The following SLC8B1 variants were observed in gnomAD, a reference collection of about 807,000 sequenced individuals.
The protein encoded by SLC8B1 is mitochondrial sodium/calcium exchanger protein.
SLC8B1 carries 52 observed loss-of-function variants against 63.4 expected under a neutral mutation model. The ratio of observed to expected loss-of-function variants is 0.82; its 90% CI spans 0.66 to 1.03. The LOEUF (loss-of-function observed/expected upper bound fraction) is 1.03. Ranked by LOEUF, SLC8B1 falls within the 50% of genes least tolerant of loss-of-function variation. SLC8B1 has a pLI of 0.00. For synonymous variants in SLC8B1, 336 were observed against 323.9 expected, an observed-to-expected ratio of 1.04 and a Z score of -0.40; for missense variants, 657 against 741.7, an observed-to-expected ratio of 0.89 and a Z score of 1.33.
At chr12:113,306,279 A>C (rs972848569) in intron 14 of SLC8B1, among the ~76,000 whole-genome samples, 1 of 152,132 alleles carries the variant, frequency 6.6e-6, no homozygotes, top group African/African-American at 2.4e-5. Context: ...CCAGGGGCCA[A>C]GAATTTCATT....
At chr12:113,323,495 G>A (rs966241955) in intron 2 of SLC8B1, among the ~76,000 whole-genome samples, 4 of 152,146 alleles carry the variant, frequency 2.6e-5, no homozygotes, top group Non-Finnish European at 4.4e-5. Context: ...GATCACTTGA[G>A]GTCAGGAGTT....
intron 2 of SLC8B1, among the ~76,000 whole-genome samples, chr12:113,332,266 C>T (rs987577997): frequency 2.6e-5 from 4 of 152,100 alleles, no homozygotes; most frequent in African/African-American, 9.7e-5. Context: ...AATGTATATG[C>T]TTACTTCTCT....
Position 113,315,475 on chromosome 12 carries a change from A to G in SLC8B1, c.995T>C (p.Leu332Pro). The G allele has an allele frequency of 6.3e-7, 1 of 1,590,732 alleles. No individual in the cohort carries two copies. Among genetic ancestry groups the G allele is most frequent in the Non-Finnish European group, 8.6e-7 (1 of 1,169,086 alleles). The change falls in exon 11 of 16, where the codon CTG (leucine) becomes CCG (proline). Residue 332 changes from leucine to proline, a missense_variant and splice_region_variant. By Grantham distance (98) the Leu-to-Pro change is moderately conservative (BLOSUM62 -3). Transcript: ENST00000680972. ...AYWKALKVFK[L>P]PVEFLLLLTV... ...GAGGAGCAGCAGGAACTCCACAGGC[A>G]GCTGTCAAGGGGGCAAAAGTGGGAG... is the stretch of plus-strand genomic sequence containing the variant.
chr12:113,299,462 C>T lies in SLC8B1; in HGVS notation c.*315G>A, dbSNP rs73192845. On this transcript the variant is annotated 3_prime_UTR_variant, in exon 16 of 16. Transcript: ENST00000680972. ...GGCCTGGAGCACATCCAGCCATCCCCTTCCCCCAAACTCCAGCCCTTCTCA... is the reference window on the plus strand; with the variant it reads ...GGCCTGGAGCACATCCAGCCATCCCTTTCCCCCAAACTCCAGCCCTTCTCA... 3.7e-4 allele frequency: 128 copies of T among 347,946 alleles called. No individual in the cohort carries two copies. Among genetic ancestry groups the T allele is most frequent in the Middle Eastern group, 9.4e-4 (1 of 1,068 alleles). 21.6% of individuals were successfully genotyped at this position (347,946 alleles called of 1,614,324 possible). A position where few individuals can be genotyped will look rare whatever the true frequency, so the allele number is the denominator to read the frequency against.
At chr12:113,332,469 T>C (rs1300643793) in intron 2 of SLC8B1, among the ~76,000 whole-genome samples, 1 of 152,206 alleles carries the variant, frequency 6.6e-6, no homozygotes, top group Non-Finnish European at 1.5e-5. Context: ...TTTGACACGA[T>C]GGCCAGGCTG....
In SLC8B1 at chr12:113,324,324, C is replaced by A. The variant is rs1044145781; in HGVS notation, c.157-2976G>T. On this transcript the variant is annotated intron_variant, in intron 2 of 15. Coordinates refer to ENST00000680972, the MANE Select transcript of SLC8B1 (RefSeq NM_001358345.2). ...CAAGCCTGTCTCAAAAAAAAACAAA[C>A]AAACAAAAAAAAAAACTTTTCTTTT... Among the ~76,000 whole-genome samples, 228 of 129,564 alleles carry A rather than the reference C, an allele frequency of 1.8e-3. 4 individuals are homozygous for A. The highest frequency in any genetic ancestry group is 3.4e-3 in the South Asian group (14 of 4,092). 85.0% of individuals were successfully genotyped at this position (129,564 alleles called of 152,430 possible).
rs1054045487 is a variant in SLC8B1, at chr12:113,307,549, CCA to C, written c.1411+140_1411+141del. 7 of 1,035,390 alleles carry C rather than the reference CCA, an allele frequency of 6.8e-6. No homozygotes were observed. The African/African-American group carries it at 8.2e-5, about 12-fold the overall frequency. The allele number at this position is 1,035,390 out of a possible 1,614,324, so 64.1% of individuals were successfully genotyped here. On this transcript the variant is annotated intron_variant, in intron 13 of 15. Transcript: ENST00000680972. ...CCATCTCACCCCAATGCTGGCCACTCCACAGTGACAGGGGACACTGCACAGGT... is the reference window on the plus strand; with the variant it reads ...CCATCTCACCCCAATGCTGGCCACTCCAGTGACAGGGGACACTGCACAGGT...
Position 113,321,035 on chromosome 12 carries a change from G to A in SLC8B1, c.362+21C>T, listed in dbSNP as rs780131895. The stretch of plus-strand genomic sequence containing the variant: ...CCTCCTCCCATTGATAAGCCAGACC[G>A]GAGCCCAGAGCCAAACTCACAACTT... On this transcript the variant is annotated intron_variant, in intron 4 of 15. Transcript: ENST00000680972. 65 of 1,607,700 alleles carry A rather than the reference G, an allele frequency of 4.0e-5. No homozygotes were observed. The East Asian group carries it at 9.2e-4, about 23-fold the overall frequency.
intron 2 of SLC8B1, among the ~76,000 whole-genome samples, chr12:113,329,543 C>G (rs977292948): frequency 6.6e-6 from 1 of 152,136 alleles, no homozygotes; most frequent in African/African-American, 2.4e-5. Flanking sequence ...CTGCCCTCCC[C>G]GAGCTGCACA....
Position 113,320,162 on chromosome 12 carries a change from A to G in SLC8B1, c.694+169T>C, listed in dbSNP as rs967833790. On this transcript the variant is annotated intron_variant, in intron 7 of 15. Transcript: ENST00000680972. The surrounding 1 kb of genome is among the most constrained non-coding windows in gnomAD (Gnocchi z 5.3). ...TCTGCCAGGCCTCTTTGGTTATGTGACCCACATGTTCCCATTTTTGCTCAA... is the reference window on the plus strand; with the variant it reads ...TCTGCCAGGCCTCTTTGGTTATGTGGCCCACATGTTCCCATTTTTGCTCAA... 17 of 759,072 alleles carry G rather than the reference A, an allele frequency of 2.2e-5. No homozygotes were observed. The African/African-American group carries it at 3.0e-4, about 13-fold the overall frequency. The allele number at this position is 759,072 out of a possible 1,614,324, so 47.0% of individuals were successfully genotyped here. A position where few individuals can be genotyped will look rare whatever the true frequency, so the allele number is the denominator to read the frequency against.
intron 2 of SLC8B1, among the ~76,000 whole-genome samples, chr12:113,327,376 C>T (rs1033521867): frequency 6.6e-6 from 1 of 152,100 alleles, no homozygotes; most frequent in African/African-American, 2.4e-5. Context: ...CTCCTCTGAA[C>T]AATGGGGGCA....
chr12:113,318,262 G>A (rs551742627), intron 8 of SLC8B1, among the ~76,000 whole-genome samples: 1 of 152,000 alleles, frequency 6.6e-6, no homozygotes, highest in East Asian at 1.9e-4. Context: ...TTTGTGTTGT[G>A]TGTGCATGTA....
intron 13 of SLC8B1, 61 bp from the exon 14 acceptor site, chr12:113,306,636 C>G: frequency 2.9e-6 from 4 of 1,376,846 alleles, no homozygotes; most frequent in Non-Finnish European, 4.1e-6. Context: ...CCCTGGTCAT[C>G]CACGCCTTCA....
At chr12:113,314,598 GT>G (rs1956809587) in intron 11 of SLC8B1, among the ~76,000 whole-genome samples, 1 of 152,204 alleles carries the variant, frequency 6.6e-6, no homozygotes, top group South Asian at 2.1e-4. Flanking sequence ...GACCAGCCAG[GT>G]CACATAAACG....
intron 2 of SLC8B1, among the ~76,000 whole-genome samples, chr12:113,332,388 C>T (rs553875030): frequency 1.3e-5 from 2 of 152,318 alleles, no homozygotes; most frequent in Admixed American, 1.3e-4. Flanking sequence ...TCTCCTGCCT[C>T]AGGGTTCTGA....
Position 113,320,253 on chromosome 12 carries a change from CCT to C in SLC8B1, c.694+76_694+77del. On this transcript the variant is annotated intron_variant, in intron 7 of 15. Transcript: ENST00000680972. The surrounding 1 kb of genome is among the most constrained non-coding windows in gnomAD (Gnocchi z 5.3). ...AAGCCCCCACTGACCACCCCTCACA[CCT>C]CTCTGTCCCAGGCACCTCCTAAACC... The C allele has an allele frequency of 1.3e-6, 2 of 1,520,276 alleles. No homozygotes were observed. The highest frequency in any genetic ancestry group is 1.8e-6 in the Non-Finnish European group (2 of 1,124,336). 94.2% of individuals were successfully genotyped at this position (1,520,276 alleles called of 1,614,324 possible). A position where few individuals can be genotyped will look rare whatever the true frequency, so the allele number is the denominator to read the frequency against.
intron 2 of SLC8B1, among the ~76,000 whole-genome samples, chr12:113,329,057 A>G (rs1267976426): frequency 6.6e-6 from 1 of 152,070 alleles, no homozygotes; most frequent in East Asian, 1.9e-4. Context: ...AGGCAGGATC[A>G]TAGACTTGCT....
chr12:113,324,150 A>G (rs889712327), intron 2 of SLC8B1, among the ~76,000 whole-genome samples: 2 of 151,752 alleles, frequency 1.3e-5, no homozygotes, highest in Non-Finnish European at 2.9e-5. Flanking sequence ...CATTGCTACA[A>G]AAAAATTTAA....
intron 1 of SLC8B1, among the ~76,000 whole-genome samples, chr12:113,333,311 G>A (rs1957082278): frequency 6.6e-6 from 1 of 152,196 alleles, no homozygotes; most frequent in African/African-American, 2.4e-5. Flanking sequence ...GTGGGAAGTG[G>A]GCAGTGGGCG....
Sources: gnomAD v4.1 joint callset for allele counts (sites outside exome capture counted in the v4.1 genomes callset) on GRCh38, gnomAD v4.1.1 for gene constraint, Gnocchi (gnomAD v3.1) non-coding constraint, MANE v1.5 for transcripts, NCBI Gene and HGNC (gene_info 2026-07-23, HGNC 2026-07-21) for gene names.